The following NYAP2 variants were observed in gnomAD, a reference collection of about 807,000 sequenced individuals.
NYAP2 encodes the protein neuronal tyrosine-phosphorylated phosphoinositide-3-kinase adaptor 2, also known as neuronal tyrosine-phosphorylated phosphoinositide-3-kinase adapter 2.
In NYAP2, 23 loss-of-function variants were observed where a neutral mutation model predicts 50.4. That is an observed-to-expected ratio of 0.46 (90% CI 0.33 to 0.65). The LOEUF (loss-of-function observed/expected upper bound fraction) is 0.65. Among genes scored for constraint, NYAP2 ranks in the 30% least tolerant of loss-of-function variants. The pLI is 0.02. For missense variants in NYAP2, 885 were observed against 861.0 expected, an observed-to-expected ratio of 1.03 and a Z score of -0.35; for synonymous variants, 394 against 365.2, an observed-to-expected ratio of 1.08 and a Z score of -0.90.
At position 225,615,396 on chromosome 2, in the gene NYAP2, T is replaced by C. The variant is rs568285011; in HGVS notation, c.1619-11521T>C. On this transcript the variant is annotated intron_variant, in intron 5 of 6. Coordinates refer to ENST00000636099, the Ensembl canonical transcript of NYAP2. ...TGAGGGATGTTTCAGGCAGAAATAA[T>C]TTGGTGGCAATATCTCTACAATCCT... Among the ~76,000 whole-genome samples the C allele has an allele frequency of 3.3e-5, 5 of 152,276 alleles. No homozygotes were observed. The South Asian group carries it at 1.0e-3, about 32-fold the overall frequency.
intron 6 of NYAP2, among the ~76,000 whole-genome samples, chr2:225,646,860 C>T (rs1048836768): frequency 7.2e-5 from 11 of 152,108 alleles, no homozygotes; most frequent in Admixed American, 2.6e-4. Context: ...ATGATCTGGA[C>T]TGGCATCCTA....
intron 5 of NYAP2, among the ~76,000 whole-genome samples, chr2:225,613,438 C>G (rs1221707729): frequency 6.6e-6 from 1 of 152,200 alleles, no homozygotes; most frequent in Non-Finnish European, 1.5e-5. Flanking sequence ...TCCCAGTCCA[C>G]TGACTCAAAT....
intron 3 of NYAP2, among the ~76,000 whole-genome samples, chr2:225,421,140 G>T (rs1029035721): frequency 6.6e-6 from 1 of 152,036 alleles, no homozygotes; most frequent in Non-Finnish European, 1.5e-5. Flanking sequence ...TGAAGTCCCA[G>T]GCTCAAGTAA....
intron 4 of NYAP2, among the ~76,000 whole-genome samples, chr2:225,543,082 T>C (rs1691506101): frequency 6.6e-6 from 1 of 152,108 alleles, no homozygotes; most frequent in South Asian, 2.1e-4. Context: ...AATAATCATT[T>C]GAATTTCTGC....
At chr2:225,474,208 T>C (rs1013507515) in intron 3 of NYAP2, among the ~76,000 whole-genome samples, 2 of 152,234 alleles carry the variant, frequency 1.3e-5, no homozygotes, top group African/African-American at 4.8e-5. Flanking sequence ...TTTTGGTTAC[T>C]GTAGCCTTGT....
intron 3 of NYAP2, among the ~76,000 whole-genome samples, chr2:225,489,169 TCC>T (rs1559193844): frequency 1.3e-5 from 2 of 152,002 alleles, no homozygotes; most frequent in Admixed American, 1.3e-4. Context: ...CTCCCCTTTT[TCC>T]CCTTTTTCTT....
At chr2:225,509,736 C>T (rs73082979) in intron 3 of NYAP2, among the ~76,000 whole-genome samples, 3,356 of 152,200 alleles carry the variant, frequency 0.022, 114 homozygotes, top group African/African-American at 0.074. Flanking sequence ...TTATAGGGAT[C>T]GGAAACATAA....
chr2:225,527,181 T>C (rs1691167168), intron 4 of NYAP2, among the ~76,000 whole-genome samples: 1 of 152,202 alleles, frequency 6.6e-6, no homozygotes, highest in South Asian at 2.1e-4. Flanking sequence ...TGTCTTAGAT[T>C]CATAATATGA....
chr2:225,693,362 A>G, the NYAP2 span, among the ~76,000 whole-genome samples: 1 of 151,866 alleles, frequency 6.6e-6, no homozygotes, highest in Non-Finnish European at 1.5e-5. Flanking sequence ...ATGGGTTTTG[A>G]GGAGGAAGAT....
At position 225,513,273 on chromosome 2, in the gene NYAP2, AT is replaced by A; in HGVS notation, c.222-95del. The A allele has an allele frequency of 2.8e-6, 3 of 1,085,534 alleles. No individual in the cohort carries two copies. The South Asian group carries it at 4.7e-5, about 17-fold the overall frequency. The allele number at this position is 1,085,534 out of a possible 1,614,324, so 67.2% of individuals were successfully genotyped here. A position where few individuals can be genotyped will look rare whatever the true frequency, so the allele number is the denominator to read the frequency against. ...AGCATTTCACCGGACTAAAATGAAG[AT>A]TTGAAATTTTCCCTATTAGTAATAT... is the stretch of plus-strand genomic sequence containing the variant. On this transcript the variant is annotated intron_variant, in intron 3 of 6. Coordinates refer to ENST00000636099, the Ensembl canonical transcript of NYAP2.
chr2:225,655,951 C>G (rs1693818715), downstream of NYAP2, among the ~76,000 whole-genome samples: 1 of 150,224 alleles, frequency 6.7e-6, no homozygotes, highest in African/African-American at 2.5e-5. Flanking sequence ...CACACACACA[C>G]ACCAACACAA....
intron 4 of NYAP2, among the ~76,000 whole-genome samples, chr2:225,559,855 T>C (rs536101372): frequency 6.6e-6 from 1 of 152,190 alleles, no homozygotes; most frequent in South Asian, 2.1e-4. Context: ...TATATATCTA[T>C]GCTTTATACA....
At chr2:225,536,508 T>G (rs748464739) in intron 4 of NYAP2, among the ~76,000 whole-genome samples, 1 of 135,020 alleles carries the variant, frequency 7.4e-6, no homozygotes, top group Non-Finnish European at 1.6e-5. Context: ...TATATTCTTT[T>G]TATTGCTGTT....
intron 4 of NYAP2, among the ~76,000 whole-genome samples, chr2:225,559,966 G>T (rs935722951): frequency 9.2e-5 from 14 of 151,930 alleles, no homozygotes; most frequent in Non-Finnish European, 1.8e-4. Context: ...AACTGAAGGG[G>T]CATATTTTAC....
intron 6 of NYAP2, among the ~76,000 whole-genome samples, chr2:225,639,669 A>G (rs1270844373): frequency 2.0e-5 from 3 of 152,302 alleles, no homozygotes; most frequent in Non-Finnish European, 2.9e-5. Flanking sequence ...ATTTATTCAC[A>G]TTCGCTTATT....
At chr2:225,467,137 G>A (rs1302898150) in intron 3 of NYAP2, among the ~76,000 whole-genome samples, 1 of 152,110 alleles carries the variant, frequency 6.6e-6, no homozygotes, top group African/African-American at 2.4e-5. Flanking sequence ...AGGAGAACAT[G>A]CGCAGTGTGT....
At chr2:225,606,574 A>T (rs1026495852) in intron 5 of NYAP2, among the ~76,000 whole-genome samples, 4 of 152,140 alleles carry the variant, frequency 2.6e-5, no homozygotes, top group African/African-American at 9.7e-5. Context: ...TTCTCTTTCT[A>T]TCCTATTGTT....
chr2:225,681,125 G>A, the NYAP2 span, among the ~76,000 whole-genome samples: 1 of 152,302 alleles, frequency 6.6e-6, no homozygotes, highest in East Asian at 1.9e-4. Flanking sequence ...AAGTGCAACA[G>A]TTTTCCTGGT....
At chr2:225,673,184 C>T in the NYAP2 span, among the ~76,000 whole-genome samples, 1 of 151,970 alleles carries the variant, frequency 6.6e-6, no homozygotes, top group African/African-American at 2.4e-5. Flanking sequence ...CCTGGTGAGG[C>T]TTACTTACTA....
Sources: allele counts gnomAD v4.1 joint callset (sites outside exome capture counted in the v4.1 genomes callset), GRCh38; gene constraint gnomAD v4.1.1; transcripts MANE v1.5; gene names NCBI Gene and HGNC (gene_info 2026-07-23, HGNC 2026-07-21).